AGO1: variants seen among roughly 807,000 people sequenced by gnomAD.
The protein encoded by AGO1 is argonaute RISC component 1.
AGO1 carries 11 observed loss-of-function variants against 109.2 expected under a neutral mutation model. That is an observed-to-expected ratio of 0.10 (90% confidence interval 0.06 to 0.17). The LOEUF is 0.17. Among genes scored for constraint, AGO1 ranks in the 10% least tolerant of loss-of-function variants. The pLI, the probability that AGO1 is intolerant of heterozygous loss-of-function variation, is 1.00. For synonymous variants in AGO1, 422 were observed against 418.6 expected, an observed-to-expected ratio of 1.01 and a Z score of -0.10; for missense variants, 574 against 1,140.3, an observed-to-expected ratio of 0.50 and a Z score of 7.15.
intron 2 of AGO1, among the ~76,000 whole-genome samples, chr1:35,892,211 G>C (rs1645232686): frequency 6.6e-6 from 1 of 152,110 alleles, no homozygotes; most frequent in Non-Finnish European, 1.5e-5. Context: ...ATAGACCCTG[G>C]AGTCAAGCTT....
chr1:35,901,617 C>G lies in AGO1; in HGVS notation c.1140+24C>G, dbSNP rs769798118. On this transcript the variant is annotated intron_variant, in intron 9 of 18. Coordinates refer to ENST00000373204, the MANE Select transcript of AGO1 (RefSeq NM_012199.5). This position sits in a 1 kb window ranked among gnomAD's most constrained non-coding sequence, Gnocchi z 4.8. ...TGGTCAGTGGGCCTACTCATTTGCT[C>G]AGTCATTGGGGCCATTGGTAGCATA... The G allele has an allele frequency of 1.2e-6, 2 of 1,613,882 alleles. No homozygotes were observed. The highest frequency in any genetic ancestry group is 2.2e-5 in the South Asian group (2 of 90,978).
intron 14 of AGO1, 102 bp downstream of exon 14, chr1:35,914,376 C>A (rs1645696863): frequency 1.1e-6 from 1 of 882,398 alleles, no homozygotes; most frequent in Non-Finnish European, 1.8e-6. Context: ...CTTGAGCCTT[C>A]ATAAGATGTC....
At position 35,883,428 on chromosome 1, in the gene AGO1, G is replaced by A. The variant is rs1291952738; in HGVS notation, c.7G>A (p.Ala3Thr). The change falls in exon 1 of 19, where the codon GCG becomes ACG. Residue 3 changes from alanine (A) to threonine (T), a missense_variant. Physicochemically the swap from Ala to Thr is moderately conservative, Grantham distance 58 (BLOSUM62 0). Transcript: ENST00000373204. This position sits in a 1 kb window ranked among gnomAD's most constrained non-coding sequence, Gnocchi z 5.4. ME[A>T]GPSGAAAGAY... ...CTCCGCACGGGTATATGGGATGGAAGCGGGACCCTCGGGAGCAGGTAAGGG... is the reference window on the plus strand; with the variant it reads ...CTCCGCACGGGTATATGGGATGGAAACGGGACCCTCGGGAGCAGGTAAGGG... The A allele has an allele frequency of 6.4e-7, 1 of 1,573,960 alleles. No homozygotes were observed. The highest frequency in any genetic ancestry group is 1.1e-5 in the South Asian group (1 of 87,440).
intron 11 of AGO1, among the ~76,000 whole-genome samples, chr1:35,903,275 G>A (rs1318233436): frequency 6.6e-6 from 1 of 151,406 alleles, no homozygotes; most frequent in East Asian, 1.9e-4. Context: ...CAAAGTGCTG[G>A]GATTATAGGC....
intron 1 of AGO1, among the ~76,000 whole-genome samples, chr1:35,870,166 C>G (rs922763826): frequency 1.3e-5 from 2 of 152,000 alleles, no homozygotes; most frequent in South Asian, 4.1e-4. Context: ...GCTGGGAGTC[C>G]ATATGTTTTT....
chr1:35,926,706 A>G lies in AGO1; in HGVS notation c.*7099A>G, dbSNP rs1052452213. ...GCCTAGGCCGGCTTAGAAGGCACAC[A>G]GCATGACAGAAGTACTCCTTCAAAG... On this transcript the variant is annotated 3_prime_UTR_variant, in exon 19 of 19. Transcript: ENST00000373204. 1 of 152,212 alleles carries G rather than the reference A, an allele frequency of 6.6e-6. No individual in the cohort carries two copies. The highest frequency in any genetic ancestry group is 2.4e-5 in the African/African-American group (1 of 41,452). The allele number at this position is 152,212 out of a possible 1,614,324, so 9.4% of individuals were successfully genotyped here.
At chr1:35,889,183 CTT>C (rs35255117) in intron 2 of AGO1, among the ~76,000 whole-genome samples, 11 of 113,408 alleles carry the variant, frequency 9.7e-5, no homozygotes, top group African/African-American at 3.1e-4. Context: ...GTGATATTTC[CTT>C]TTTTTTTTTT....
At chr1:35,906,171 A>T (rs1253219110) in intron 11 of AGO1, among the ~76,000 whole-genome samples, 1 of 152,228 alleles carries the variant, frequency 6.6e-6, no homozygotes, top group Non-Finnish European at 1.5e-5. Flanking sequence ...AGCCAAAGGA[A>T]GCTTAATAAT....
At position 35,902,416 on chromosome 1, in the gene AGO1, G is replaced by C. The variant is rs1452997431; in HGVS notation, c.1397+79G>C. The C allele has an allele frequency of 1.1e-5, 17 of 1,547,512 alleles. No homozygotes were observed. In the Admixed American group the frequency reaches 3.1e-4, roughly 29 times the overall value. On this transcript the variant is annotated intron_variant, in intron 11 of 18. Transcript: ENST00000373204. ...TGCCTTCCTGTAGTCCACAGGGGCTGATATTGATCAGTAATGTGTTCTGTC... is the reference window on the plus strand; with the variant it reads ...TGCCTTCCTGTAGTCCACAGGGGCTCATATTGATCAGTAATGTGTTCTGTC...
At chr1:35,917,787 A>G in intron 16 of AGO1, 60 bp downstream of exon 16, 4 of 1,573,186 alleles carry the variant, frequency 2.5e-6, no homozygotes, top group Non-Finnish European at 2.6e-6. Flanking sequence ...TTAATAGAGA[A>G]GAAGCCCTTG....
chr1:35,899,899 C>A (rs1325591070), intron 8 of AGO1, among the ~76,000 whole-genome samples: 2 of 152,064 alleles, frequency 1.3e-5, no homozygotes, highest in African/African-American at 4.8e-5. Context: ...GGTTAAGAGT[C>A]CTGTTTAAGG....
chr1:35,912,361 A>G (rs866532885), intron 12 of AGO1, among the ~76,000 whole-genome samples: 239 of 83,476 alleles, frequency 2.9e-3, no homozygotes, highest in African/African-American at 0.015. Flanking sequence ...TCTGTCTCAG[A>G]AAAAAAAAAA....
intron 1 of AGO1, among the ~76,000 whole-genome samples, chr1:35,876,705 T>C (rs1644995888): frequency 6.6e-6 from 1 of 152,236 alleles, no homozygotes; most frequent in South Asian, 2.1e-4. Flanking sequence ...GCAGTGACAG[T>C]GTTTGAGAGG....
At chr1:35,892,815 T>A in intron 3 of AGO1, 138 bp downstream of exon 3, 2 of 1,254,334 alleles carry the variant, frequency 1.6e-6, no homozygotes, top group Admixed American at 2.1e-5. Flanking sequence ...GGTGGGTAGG[T>A]GCTGATGTTT....
chr1:35,915,272 A>T lies in AGO1; in HGVS notation c.1834-76A>T, dbSNP rs113586908. On this transcript the variant is annotated intron_variant, in intron 14 of 18. Coordinates refer to ENST00000373204, the MANE Select transcript of AGO1 (RefSeq NM_012199.5). Reference sequence around the variant, plus strand: ...ATTCAGTTGTAGTTTTCTTGCTAAGAAGCCTTTCCACAAACCCATAGCCTG... The same window carrying T: ...ATTCAGTTGTAGTTTTCTTGCTAAGTAGCCTTTCCACAAACCCATAGCCTG... The T allele has an allele frequency of 7.5e-4, 1,020 of 1,357,544 alleles. 6 individuals carry two copies. The African/African-American group carries it at 0.013, about 18-fold the overall frequency. The allele number at this position is 1,357,544 out of a possible 1,614,324, so 84.1% of individuals were successfully genotyped here.
chr1:35,875,235 C>G (rs1310658706), intron 1 of AGO1, among the ~76,000 whole-genome samples: 2 of 152,184 alleles, frequency 1.3e-5, no homozygotes, highest in Middle Eastern at 3.2e-3. Context: ...CAGGCTAACT[C>G]TTTTATTAGG....
At chr1:35,910,733 A>T (rs1339174989) in intron 12 of AGO1, among the ~76,000 whole-genome samples, 1 of 152,206 alleles carries the variant, frequency 6.6e-6, no homozygotes, top group Non-Finnish European at 1.5e-5. Context: ...TTCTGTTAAT[A>T]CACATATTTG....
At chr1:35,873,349 A>G (rs184479501) in intron 1 of AGO1, 1 of 154,282 alleles carries the variant, frequency 6.5e-6, no homozygotes, top group African/African-American at 2.4e-5. Flanking sequence ...TGCTTACTCT[A>G]ACACCTCAGA....
At chr1:35,906,829 ATC>A (rs1645529102) in intron 11 of AGO1, 104 bp from the exon 12 acceptor site, 1 of 940,350 alleles carries the variant, frequency 1.1e-6, no homozygotes. Context: ...AAAAAAACCA[ATC>A]TCTCAGTGCC....
Sources: gnomAD v4.1 joint callset for allele counts (sites outside exome capture counted in the v4.1 genomes callset) on GRCh38, gnomAD v4.1.1 for gene constraint, Gnocchi (gnomAD v3.1) non-coding constraint, MANE v1.5 for transcripts, NCBI Gene and HGNC (gene_info 2026-07-23, HGNC 2026-07-21) for gene names.